Variants in AMOTL1 observed in about 807,000 individuals in gnomAD.
AMOTL1 encodes the protein angiomotin-like protein 1.
AMOTL1 carries 45 observed loss-of-function variants against 102.9 expected under a neutral mutation model. The observed-to-expected ratio is 0.44, with a 90% CI of 0.34 to 0.56. The LOEUF (loss-of-function observed/expected upper bound fraction) is 0.56, where lower values mean the gene tolerates loss of function less well. Ranked by LOEUF, AMOTL1 falls within the 20% of genes least tolerant of loss-of-function variation. AMOTL1 has a pLI of 0.01. For synonymous variants in AMOTL1, 481 were observed against 484.7 expected, an observed-to-expected ratio of 0.99 and a Z score of 0.10; for missense variants, 1,114 against 1,225.6, an observed-to-expected ratio of 0.91 and a Z score of 1.36.
At chr11:94,855,897 T>C (rs568494479) in intron 8 of AMOTL1, among the ~76,000 whole-genome samples, 7 of 152,262 alleles carry the variant, frequency 4.6e-5, no homozygotes, top group African/African-American at 1.7e-4. Context: ...AATTTCAGAA[T>C]TGAGGCTCTC....
intron 3 of AMOTL1, among the ~76,000 whole-genome samples, chr11:94,810,015 T>C (rs1027639221): frequency 6.6e-6 from 1 of 152,206 alleles, no homozygotes; most frequent in African/African-American, 2.4e-5. Flanking sequence ...CTCTTTTTTT[T>C]CCTCCTATTT....
At chr11:94,746,975 A>G (rs1304395707) in intron 3 of AMOTL1, among the ~76,000 whole-genome samples, 3 of 151,832 alleles carry the variant, frequency 2.0e-5, no homozygotes, top group Admixed American at 6.6e-5. Context: ...TTTCAGTTGT[A>G]TATCTCTAAG....
At chr11:94,793,835 C>A (rs889885428) in intron 1 of AMOTL1, among the ~76,000 whole-genome samples, 2 of 152,238 alleles carry the variant, frequency 1.3e-5, no homozygotes, top group Non-Finnish European at 2.9e-5. Context: ...GGCATTACAA[C>A]TACATTATTT....
chr11:94,709,712 T>G (rs1044813878), intron 1 of AMOTL1, among the ~76,000 whole-genome samples: 1 of 152,130 alleles, frequency 6.6e-6, no homozygotes, highest in Non-Finnish European at 1.5e-5. Context: ...TGAGAGACCC[T>G]GAATAAGAAC....
chr11:94,730,273 A>T (rs1021502198), intron 2 of AMOTL1, among the ~76,000 whole-genome samples: 18 of 152,078 alleles, frequency 1.2e-4, no homozygotes, highest in Non-Finnish European at 2.6e-4. Flanking sequence ...TTCTCACTGT[A>T]TCAGCCTCTT....
chr11:94,764,794 T>C (rs186099180), upstream of AMOTL1, among the ~76,000 whole-genome samples: 185 of 152,378 alleles, frequency 1.2e-3, 1 homozygote, highest in Non-Finnish European at 8.8e-5. Flanking sequence ...TTCAAATTAC[T>C]GGAGAAGAGG....
chr11:94,753,950 ATT>A (rs969703224), intron 3 of AMOTL1, among the ~76,000 whole-genome samples: 4 of 152,224 alleles, frequency 2.6e-5, no homozygotes, highest in African/African-American at 9.6e-5. Flanking sequence ...TAACAGGAAC[ATT>A]TACAACGTGG....
At chr11:94,861,001 G>A (rs569487542) in intron 9 of AMOTL1, among the ~76,000 whole-genome samples, 1 of 152,156 alleles carries the variant, frequency 6.6e-6, no homozygotes, top group African/African-American at 2.4e-5. Context: ...GCCACCATTC[G>A]GGCGTTGGTG....
At chr11:94,751,220 T>C (rs1203819840) in intron 3 of AMOTL1, among the ~76,000 whole-genome samples, 1 of 151,900 alleles carries the variant, frequency 6.6e-6, no homozygotes, top group African/African-American at 2.4e-5. Flanking sequence ...CTCAAAACTA[T>C]ATATATATAT....
rs1327236881 is a variant in AMOTL1 at position 94,768,568 on chromosome 11, G to GCC, written c.49+12_49+13dup. On this transcript the variant is annotated intron_variant, in intron 1 of 12. Coordinates refer to ENST00000433060, the MANE Select transcript of AMOTL1 (RefSeq NM_130847.3). ...GTGAGCCTGCGGTGAAAGGTAACCA[G>GCC]CCCCCACTCGAGGTGCCGGGAGGGC... 31 of 1,591,014 alleles carry GCC rather than the reference G, an allele frequency of 1.9e-5. No individual in the cohort carries two copies. The highest frequency in any genetic ancestry group is 2.7e-5 in the Non-Finnish European group (31 of 1,169,222).
intron 1 of AMOTL1, among the ~76,000 whole-genome samples, chr11:94,715,459 C>G (rs570667623): frequency 3.3e-5 from 5 of 152,262 alleles, no homozygotes; most frequent in African/African-American, 7.2e-5. Flanking sequence ...GTGTGACTCA[C>G]TGCACCCAGC....
rs750154347 is a variant in AMOTL1 at position 94,865,937 on chromosome 11, T to G, written c.2262-5T>G. ...TTATGGAGACTGTTTTGTTTTGTTT[T>G]ACAGTATTAAAAATCTCCATGCCAA... On this transcript the variant is annotated splice_polypyrimidine_tract_variant and splice_region_variant and intron_variant, in intron 10 of 12. Transcript: ENST00000433060. 2 of 1,611,308 alleles carry G rather than the reference T, an allele frequency of 1.2e-6. No individual in the cohort carries two copies. Among genetic ancestry groups the G allele is most frequent in the Non-Finnish European group, 1.7e-6 (2 of 1,178,530 alleles).
chr11:94,774,333 T>C (rs2135521542), intron 1 of AMOTL1, among the ~76,000 whole-genome samples: 1 of 152,304 alleles, frequency 6.6e-6, no homozygotes, highest in South Asian at 2.1e-4. Context: ...AAAAGTATGA[T>C]TTCTGATGAA....
In AMOTL1 at chr11:94,799,932, G is replaced by A. The variant is rs763130594; in HGVS notation, c.742G>A (p.Glu248Lys). ...CAACAGTGGACAGGCGCATAAGGACGAGGCGCTGAAGGAACTGAAGCAGGG... is the reference window on the plus strand; with the variant it reads ...CAACAGTGGACAGGCGCATAAGGACAAGGCGCTGAAGGAACTGAAGCAGGG... Reference protein sequence around the residue: ...RANSGQAHKDEALKELKQGHV... With the variant: ...RANSGQAHKDKALKELKQGHV... The change falls in exon 3 of 13, where the codon GAG (glutamate) becomes AAG (lysine). Residue 248 changes from glutamate (E) to lysine (K), a missense_variant. Glu to Lys is a moderately conservative substitution (Grantham distance 56). Coordinates refer to ENST00000433060, the MANE Select transcript of AMOTL1 (RefSeq NM_130847.3). This position sits in a 1 kb window ranked among gnomAD's most constrained non-coding sequence, Gnocchi z 4.5. 21 of 1,612,920 alleles carry A rather than the reference G, an allele frequency of 1.3e-5. No individual in the cohort carries two copies. The highest frequency in any genetic ancestry group is 1.6e-5 in the Non-Finnish European group (19 of 1,179,376).
Position 94,868,855 on chromosome 11 carries a change from G to A in AMOTL1, c.2489-343G>A, listed in dbSNP as rs1000422857. ...CTGGCAATTAGGCACTTCTCTGTTC[G>A]TCCATACCACCCTGTGAATAATTTA... On this transcript the variant is annotated intron_variant, in intron 11 of 12. Transcript: ENST00000433060. 4.6e-5 allele frequency among the ~76,000 whole-genome samples: 7 copies of A among 151,090 alleles called. No homozygotes were observed. The South Asian group carries it at 1.0e-3, about 23-fold the overall frequency.
intron 1 of AMOTL1, among the ~76,000 whole-genome samples, chr11:94,721,462 G>A (rs1950172867): frequency 6.6e-6 from 1 of 151,972 alleles, no homozygotes; most frequent in African/African-American, 2.4e-5. Flanking sequence ...AACCCTTGAG[G>A]AGATGGTATT....
chr11:94,746,712 G>A (rs1028358214), intron 3 of AMOTL1, among the ~76,000 whole-genome samples: 29 of 152,214 alleles, frequency 1.9e-4, no homozygotes, highest in African/African-American at 6.5e-4. Context: ...AATCCTGAAT[G>A]ATTACATCCA....
Position 94,735,713 on chromosome 11 carries a change from C to T in AMOTL1, c.86-5225C>T, listed in dbSNP as rs141132578. ...CACATTTGAATATGCCTTAAAAATT[C>T]CTACTAGGACACATAAGAAGTTGTG... On this transcript the variant is annotated intron_variant, in intron 2 of 4. Coordinates refer to the AMOTL1 transcript ENST00000299004. 6.4e-3 allele frequency among the ~76,000 whole-genome samples: 976 copies of T among 152,138 alleles called. 12 individuals are homozygous for T. The highest frequency in any genetic ancestry group is 0.022 in the African/African-American group (929 of 41,510).
At chr11:94,774,214 T>C (rs1950993162) in intron 1 of AMOTL1, among the ~76,000 whole-genome samples, 1 of 152,260 alleles carries the variant, frequency 6.6e-6, no homozygotes, top group Admixed American at 6.5e-5. Flanking sequence ...AAGTGTTCCT[T>C]TTCACAGTTG....
Sources: allele counts gnomAD v4.1 joint callset (sites outside exome capture counted in the v4.1 genomes callset), GRCh38; gene constraint gnomAD v4.1.1; non-coding constraint Gnocchi (gnomAD v3.1); transcripts MANE v1.5; gene names NCBI Gene and HGNC (gene_info 2026-07-23, HGNC 2026-07-21).